The following THOC2 variants were observed in gnomAD, a reference collection of about 807,000 sequenced individuals.
THOC2 encodes THO complex 2.
Under a neutral mutation model 128.4 loss-of-function variants are expected in THOC2, and 10 were observed. That is an observed-to-expected ratio of 0.08 (90% CI 0.05 to 0.13). The LOEUF is 0.13. Among genes scored for constraint, THOC2 ranks in the 10% least tolerant of loss-of-function variants. THOC2 has a pLI of 1.00. For missense variants in THOC2, 535 were observed against 1,155.7 expected, an observed-to-expected ratio of 0.46 and a Z score of 7.79; for synonymous variants, 393 against 396.9, an observed-to-expected ratio of 0.99 and a Z score of 0.12.
chrX:123,697,779 G>T, intron 4 of THOC2, 28 bp from the exon 5 acceptor site: 2 of 753,098 alleles, frequency 2.7e-6, no homozygotes, highest in Non-Finnish European at 3.8e-6. Flanking sequence ...AAAAAAGTTT[G>T]ATTGATTTGT....
At chrX:123,704,752 G>C (rs1403585700) in intron 3 of THOC2, among the ~76,000 whole-genome samples, 3 of 111,543 alleles carry the variant, frequency 2.7e-5, no homozygotes, top group Non-Finnish European at 5.6e-5. Flanking sequence ...CAGCTACTCG[G>C]GAGGCTGAGG....
chrX:123,713,086 TAAAG>T (rs945434363), intron 1 of THOC2, among the ~76,000 whole-genome samples, 178 bp from the exon 2 acceptor site: 1 of 111,996 alleles, frequency 8.9e-6, no homozygotes, highest in Non-Finnish European at 1.9e-5. Flanking sequence ...TCTGTAGTAA[TAAAG>T]AAGGAATTAT....
At chrX:123,700,320 G>A (rs2050637283) in intron 4 of THOC2, among the ~76,000 whole-genome samples, 1 of 108,398 alleles carries the variant, frequency 9.2e-6, no homozygotes, top group Non-Finnish European at 1.9e-5. Context: ...GGCCAACAGG[G>A]CGAAACCCTA....
chrX:123,731,112 GATGGTCTGGCTGGGTA>G (rs1226029029), intron 1 of THOC2, among the ~76,000 whole-genome samples: 1 of 112,480 alleles, frequency 8.9e-6, no homozygotes, highest in Non-Finnish European at 1.9e-5. Flanking sequence ...CGATGAAGAT[GATGGTCTGGCTGGGTA>G]ACTTCCCATC....
At chrX:123,665,566 A>G in intron 12 of THOC2, 76 bp downstream of exon 12, 1 of 693,563 alleles carries the variant, frequency 1.4e-6, no homozygotes, top group Non-Finnish European at 2.0e-6. Context: ...TTTTATTTCT[A>G]AAGATACTCA....
intron 22 of THOC2, among the ~76,000 whole-genome samples, chrX:123,628,895 T>C (rs2047365789): frequency 9.1e-6 from 1 of 109,684 alleles, no homozygotes; most frequent in South Asian, 3.9e-4. Context: ...GACCAACTGG[T>C]TACTCTACTG....
At chrX:123,639,669 G>A (rs750333706) in intron 16 of THOC2, among the ~76,000 whole-genome samples, 1 of 111,352 alleles carries the variant, frequency 9.0e-6, no homozygotes, top group Non-Finnish European at 1.9e-5. Flanking sequence ...GTTAAGTGGG[G>A]TGGGGCAAGG....
At chrX:123,603,774 A>G (rs959275881) in intron 38 of THOC2, 1 of 306,055 alleles carries the variant, frequency 3.3e-6, no homozygotes, top group Non-Finnish European at 5.8e-6. Flanking sequence ...AGCAACCACA[A>G]GAGCAAGTGG....
intron 17 of THOC2, 79 bp from the exon 18 acceptor site, chrX:123,638,202 G>A: frequency 1.7e-6 from 1 of 590,244 alleles, no homozygotes; most frequent in East Asian, 3.7e-5. Context: ...ACATCATAGG[G>A]GCAAAATTGT....
At chrX:123,709,586 C>G (rs2051099204) in intron 2 of THOC2, among the ~76,000 whole-genome samples, 1 of 111,312 alleles carries the variant, frequency 9.0e-6, no homozygotes, top group Non-Finnish European at 1.9e-5. Context: ...GCGGGAGACT[C>G]TGTCTCAAAA....
At chrX:123,727,281 A>C (rs1022327016) in intron 1 of THOC2, among the ~76,000 whole-genome samples, 6 of 111,693 alleles carry the variant, frequency 5.4e-5, no homozygotes, top group African/African-American at 2.0e-4. Context: ...TATAACAAGA[A>C]ACTAAAAACA....
intron 12 of THOC2, among the ~76,000 whole-genome samples, chrX:123,651,390 A>C (rs993366820): frequency 8.9e-6 from 1 of 111,949 alleles, no homozygotes; most frequent in African/African-American, 3.2e-5. Context: ...AATTAAAAGA[A>C]GTAGAGAAGC....
intron 12 of THOC2, among the ~76,000 whole-genome samples, chrX:123,647,445 GCATT>G (rs199902229): frequency 9.0e-6 from 1 of 111,014 alleles, no homozygotes; most frequent in Non-Finnish European, 1.9e-5. Flanking sequence ...CAAGAGACAT[GCATT>G]CATTCATTCA....
chrX:123,601,874 A>C (rs997592647), intron 38 of THOC2: 1 of 112,240 alleles, frequency 8.9e-6, no homozygotes, highest in Non-Finnish European at 1.9e-5. Context: ...ATGACATCAC[A>C]TTTTTCACAA....
intron 37 of THOC2, 132 bp downstream of exon 37, chrX:123,611,308 C>T (rs1361094392): frequency 6.2e-6 from 3 of 482,973 alleles, no homozygotes; most frequent in Non-Finnish European, 9.9e-6. Context: ...TGAGAGTTAA[C>T]TGGAAAGACC....
At chrX:123,708,754 A>AT (rs1029946758) in intron 2 of THOC2, among the ~76,000 whole-genome samples, 11 of 108,304 alleles carry the variant, frequency 1.0e-4, no homozygotes, top group South Asian at 4.0e-4. Flanking sequence ...AAGTTTTCTT[A>AT]TTTTTTTTTT....
At chrX:123,636,012 T>C (rs2047659976) in intron 19 of THOC2, 67 bp downstream of exon 19, 2 of 837,054 alleles carry the variant, frequency 2.4e-6, no homozygotes, top group Non-Finnish European at 3.4e-6. Context: ...GATAACAGAG[T>C]CTCAATAACC....
intron 3 of THOC2, among the ~76,000 whole-genome samples, chrX:123,703,890 TAAAAA>T (rs774877149): frequency 4.3e-4 from 16 of 37,007 alleles, no homozygotes; most frequent in South Asian, 2.5e-3. Flanking sequence ...ACTCTGTCTT[TAAAAA>T]AAAAAAAAAA....
At chrX:123,648,280 T>G (rs772310829) in intron 12 of THOC2, among the ~76,000 whole-genome samples, 4 of 111,911 alleles carry the variant, frequency 3.6e-5, no homozygotes, top group Non-Finnish European at 5.6e-5. Flanking sequence ...CTGGCCCAGA[T>G]ACTAAGCTTT....
Sources: allele counts gnomAD v4.1 joint callset (sites outside exome capture counted in the v4.1 genomes callset), GRCh38; gene constraint gnomAD v4.1.1; transcripts MANE v1.5; gene names NCBI Gene and HGNC (gene_info 2026-07-23, HGNC 2026-07-21).